The following PDS5A variants were observed in gnomAD, a reference collection of about 807,000 sequenced individuals.
The protein encoded by PDS5A is sister chromatid cohesion protein PDS5 homolog A.
A neutral mutation model predicts 167.1 loss-of-function variants in PDS5A; 42 were observed. That is an observed-to-expected ratio of 0.25 (90% CI 0.20 to 0.33). The LOEUF is 0.33. Ranked by LOEUF, PDS5A falls within the 10% of genes least tolerant of loss-of-function variation. The probability of loss-of-function intolerance (pLI) is 1.00; values close to 1 mark genes in which losing one functional copy is unlikely to be tolerated. For synonymous variants in PDS5A, 553 were observed against 554.6 expected (o/e 1.00, Z 0.04); for missense variants, 1,033 against 1,605.9 (o/e 0.64, Z 6.10).
intron 26 of PDS5A, among the ~76,000 whole-genome samples, chr4:39,858,877 G>A (rs573932232): frequency 3.3e-5 from 5 of 152,214 alleles, no homozygotes; most frequent in South Asian, 2.1e-4. Context: ...CACTGTGCCC[G>A]GCTGAAAACA....
intron 25 of PDS5A, among the ~76,000 whole-genome samples, chr4:39,862,659 T>C (rs990327023): frequency 2.6e-5 from 4 of 152,120 alleles, no homozygotes; most frequent in African/African-American, 9.7e-5. Flanking sequence ...CCTGATCCCA[T>C]AGGAAAAATG....
At chr4:39,907,795 C>T (rs1465583525) in intron 11 of PDS5A, among the ~76,000 whole-genome samples, 1 of 152,074 alleles carries the variant, frequency 6.6e-6, no homozygotes, top group African/African-American at 2.4e-5. Context: ...ACCGTGTTAG[C>T]CAGGATGGTC....
In PDS5A at chr4:39,862,893, T is replaced by C; in HGVS notation, c.2947A>G (p.Ile983Val). The C allele has an allele frequency of 1.9e-6, 3 of 1,609,300 alleles. No homozygotes were observed. Among genetic ancestry groups the C allele is most frequent in the Non-Finnish European group, 2.5e-6 (3 of 1,178,430 alleles). Residue 983 changes from isoleucine to valine, a missense_variant, in exon 25 of 33, where the codon ATT (isoleucine) becomes GTT (valine). By Grantham distance (29) the Ile-to-Val change is conservative (BLOSUM62 3). Transcript: ENST00000303538. Reference sequence around the variant, plus strand: ...CCAGTAGCCATAGGATTCTGCTTAATGTATTCCCTGCGTATACTGATATTT... The same window carrying C: ...CCAGTAGCCATAGGATTCTGCTTAACGTATTCCCTGCGTATACTGATATTT... ...LKNISIRREY[I>V]KQNPMATEKL... is the part of the protein sequence containing the mutation.
chr4:39,872,521 C>T (rs1184399717), intron 21 of PDS5A, among the ~76,000 whole-genome samples: 1 of 152,012 alleles, frequency 6.6e-6, no homozygotes, highest in African/African-American at 2.4e-5. Context: ...AAAAATTAGC[C>T]AGGCGTGGTG....
chr4:39,922,360 C>A (rs986972123), intron 6 of PDS5A, among the ~76,000 whole-genome samples: 6 of 152,168 alleles, frequency 3.9e-5, no homozygotes, highest in Non-Finnish European at 8.8e-5. Context: ...CCTTACAATT[C>A]TCAGATTATT....
At chr4:39,938,265 T>C (rs963627166) in intron 2 of PDS5A, among the ~76,000 whole-genome samples, 1 of 152,202 alleles carries the variant, frequency 6.6e-6, no homozygotes. Context: ...TTAAATTTAA[T>C]GTGTCTGGGC....
At chr4:39,903,107 C>T (rs765628773) in intron 12 of PDS5A, among the ~76,000 whole-genome samples, 1 of 152,342 alleles carries the variant, frequency 6.6e-6, no homozygotes, top group Non-Finnish European at 1.5e-5. Context: ...ATTAACGCAA[C>T]ATATAAAGCT....
intron 2 of PDS5A, among the ~76,000 whole-genome samples, chr4:39,928,825 T>TAAA (rs201886708): frequency 2.1e-4 from 29 of 139,412 alleles, no homozygotes; most frequent in East Asian, 1.4e-3. Context: ...ACACTGTCTT[T>TAAA]AAAAAAAAAA....
intron 27 of PDS5A, 138 bp from the exon 28 acceptor site, chr4:39,849,108 G>A: frequency 3.0e-6 from 2 of 665,992 alleles, no homozygotes; most frequent in Non-Finnish European, 5.0e-6. Context: ...CCATATTTCT[G>A]TTCAGCACTG....
intron 24 of PDS5A, 107 bp from the exon 25 acceptor site, chr4:39,863,180 GAATA>G (rs1719141780): frequency 6.3e-6 from 6 of 953,916 alleles, no homozygotes; most frequent in Non-Finnish European, 9.5e-6. Context: ...TTATATGGGA[GAATA>G]AATAATGTAA....
At chr4:39,896,588 G>A (rs1722432776) in intron 16 of PDS5A, among the ~76,000 whole-genome samples, 1 of 151,704 alleles carries the variant, frequency 6.6e-6, no homozygotes, top group Non-Finnish European at 1.5e-5. Context: ...ACAACATGGA[G>A]AAACCCTGTC....
intron 2 of PDS5A, among the ~76,000 whole-genome samples, chr4:39,963,926 C>G (rs560713652): frequency 1.7e-4 from 26 of 151,936 alleles, no homozygotes; most frequent in Admixed American, 1.4e-3. Context: ...TTTTCCCCCC[C>G]AGACCGACTC....
chr4:39,972,092 T>C (rs958449614), intron 2 of PDS5A, among the ~76,000 whole-genome samples: 2 of 152,198 alleles, frequency 1.3e-5, no homozygotes, highest in African/African-American at 4.8e-5. Context: ...AACAAATGGA[T>C]AATCAAACTC....
intron 26 of PDS5A, among the ~76,000 whole-genome samples, chr4:39,858,979 T>A (rs1718762853): frequency 6.6e-6 from 1 of 152,182 alleles, no homozygotes; most frequent in South Asian, 2.1e-4. Context: ...CTGGGCTTCA[T>A]TAAAGTGAAA....
At chr4:39,928,703 T>C (rs1265054511) in intron 2 of PDS5A, among the ~76,000 whole-genome samples, 1 of 151,984 alleles carries the variant, frequency 6.6e-6, no homozygotes, top group African/African-American at 2.4e-5. Flanking sequence ...CATGTGTCTG[T>C]AGTCCCAGCT....
In PDS5A at chr4:39,891,551, G is replaced by A. The variant is rs372542248; in HGVS notation, c.1771-1187C>T. On this transcript the variant is annotated intron_variant, in intron 16 of 32. Transcript: ENST00000303538. ...TAATCCCAGCTACTCGGGAGGCTGA[G>A]GCAGGAGAATTGCTTGAACCTGGGA... 7.2e-5 allele frequency among the ~76,000 whole-genome samples: 11 copies of A among 152,162 alleles called. No homozygotes were observed. The East Asian group carries it at 1.8e-3, about 24-fold the overall frequency.
At chr4:39,889,699 T>C (rs537977746) in intron 17 of PDS5A, among the ~76,000 whole-genome samples, 5 of 152,230 alleles carry the variant, frequency 3.3e-5, no homozygotes, top group Non-Finnish European at 7.3e-5. Context: ...TTTTATATAT[T>C]ACCTCAAATT....
intron 2 of PDS5A, among the ~76,000 whole-genome samples, chr4:39,970,077 C>G (rs1375633948): frequency 1.3e-5 from 2 of 151,536 alleles, no homozygotes; most frequent in Admixed American, 1.3e-4. Context: ...GTCTCGAACT[C>G]TTGACCTCGT....
chr4:39,895,087 C>T (rs1198564258), intron 16 of PDS5A, among the ~76,000 whole-genome samples: 3 of 149,820 alleles, frequency 2.0e-5, no homozygotes, highest in Admixed American at 1.4e-4. Flanking sequence ...ATTAGCCGGG[C>T]GAGGTGGCAG....
Sources: allele counts gnomAD v4.1 joint callset (sites outside exome capture counted in the v4.1 genomes callset), GRCh38; gene constraint gnomAD v4.1.1; transcripts MANE v1.5; gene names NCBI Gene and HGNC (gene_info 2026-07-23, HGNC 2026-07-21).